The following TCHP variants were observed in gnomAD, a reference collection of about 807,000 sequenced individuals.
TCHP encodes the protein trichoplein keratin filament-binding protein.
Under a neutral mutation model 88.7 loss-of-function variants are expected in TCHP, and 81 were observed. The ratio of observed to expected loss-of-function variants is 0.91; its 90% CI spans 0.76 to 1.10. The LOEUF (loss-of-function observed/expected upper bound fraction) is 1.10. TCHP is among the 50% of genes least tolerant of loss of function. The pLI is 0.00. For synonymous variants in TCHP, 232 were observed against 232.5 expected (o/e 1.00, Z 0.02); for missense variants, 641 against 632.1 (o/e 1.01, Z -0.15).
intron 12 of TCHP, 44 bp downstream of exon 12, chr12:109,915,590 C>T (rs1464983968): frequency 1.3e-5 from 20 of 1,566,100 alleles, no homozygotes; most frequent in Non-Finnish European, 1.7e-5. Context: ...GCAAGACAGA[C>T]TCTGCCCGGC....
Position 109,906,564 on chromosome 12 carries a change from A to G in TCHP, c.457-8A>G. 6.2e-7 allele frequency: 1 copy of G among 1,612,910 alleles called. No homozygotes were observed. Among genetic ancestry groups the G allele is most frequent in the African/African-American group, 1.3e-5 (1 of 74,956 alleles). On this transcript the variant is annotated splice_region_variant and splice_polypyrimidine_tract_variant and intron_variant, in intron 4 of 12. Transcript: ENST00000405876. ...AGGAAATTCACATCGTCCCCCTTCC[A>G]TCCTCAGATGGAGCTGGACCTTCAC...
the TCHP span, among the ~76,000 whole-genome samples, chr12:109,887,423 CA>C: frequency 1.4e-4 from 20 of 138,856 alleles, no homozygotes; most frequent in Middle Eastern, 3.6e-3. Context: ...AAAAAAAAAA[CA>C]AAAAAAAAAA....
intron 9 of TCHP, 117 bp downstream of exon 9, chr12:109,911,352 C>A: frequency 1.7e-6 from 1 of 577,724 alleles, no homozygotes; most frequent in Non-Finnish European, 3.0e-6. Context: ...AGGCTCACAC[C>A]TGTAATCCTA....
In TCHP at chr12:109,906,577, G is replaced by A; in HGVS notation, c.462G>A (p.Glu154=). Residue 154 remains glutamate (E), a synonymous_variant, in exon 5 of 13, where the codon GAG becomes GAA. Coordinates refer to ENST00000405876, the MANE Select transcript of TCHP (RefSeq NM_001143852.2). ...KKNNPKLREM[E]LDLHQKHVVN... Reference sequence around the variant, plus strand: ...CGTCCCCCTTCCATCCTCAGATGGAGCTGGACCTTCACCAGAAGCATGTCG... The same window carrying A: ...CGTCCCCCTTCCATCCTCAGATGGAACTGGACCTTCACCAGAAGCATGTCG... 1.2e-6 allele frequency: 2 copies of A among 1,613,034 alleles called. No individual in the cohort carries two copies. Among genetic ancestry groups the A allele is most frequent in the Non-Finnish European group, 1.7e-6 (2 of 1,179,882 alleles).
intron 9 of TCHP, among the ~76,000 whole-genome samples, chr12:109,911,824 T>C (rs1870515466): frequency 6.6e-6 from 1 of 150,792 alleles, no homozygotes; most frequent in South Asian, 2.1e-4. Context: ...TGAGATAGAG[T>C]CTTGCTCTGT....
At chr12:109,909,223 A>C (rs902440475) in intron 8 of TCHP, among the ~76,000 whole-genome samples, 12 of 152,196 alleles carry the variant, frequency 7.9e-5, no homozygotes, top group Non-Finnish European at 2.9e-5. Flanking sequence ...TGGATATGTT[A>C]ATTAGCTTGA....
chr12:109,911,762 A>G (rs1029379349), intron 9 of TCHP, among the ~76,000 whole-genome samples: 1 of 151,768 alleles, frequency 6.6e-6, no homozygotes, highest in African/African-American at 2.4e-5. Flanking sequence ...TAGAGTAACG[A>G]TGTGTTCATC....
At chr12:109,897,550 T>TTTTC (rs543360156), upstream of TCHP, among the ~76,000 whole-genome samples, 5 of 150,930 alleles carry the variant, frequency 3.3e-5, no homozygotes, top group African/African-American at 4.9e-5. Flanking sequence ...TTTTCTTTTC[T>TTTTC]TTTCTTTCTT....
Position 109,905,197 on chromosome 12 carries a change from G to C in TCHP, c.456+404G>C, listed in dbSNP as rs61586812. 7.9e-3 allele frequency among the ~76,000 whole-genome samples: 1,208 copies of C among 152,308 alleles called. 25 individuals are homozygous for C. The highest frequency in any genetic ancestry group is 0.028 in the African/African-American group (1,164 of 41,566). ...AGTTCCTGGGGTGGAAGAGTTTGAA[G>C]GGATGTATGTGTGTAGAGGTGAGGA... On this transcript the variant is annotated intron_variant, in intron 4 of 12. Transcript: ENST00000405876. This position sits in a 1 kb window ranked among gnomAD's most constrained non-coding sequence, Gnocchi z 4.0.
rs773936923 is a variant in TCHP, at chr12:109,913,014, A to G, written c.1076A>G (p.Glu359Gly). Residue 359 changes from glutamate (E) to glycine (G), a missense_variant, in exon 10 of 13, where the codon GAA (glutamate) becomes GGA (glycine). Glu to Gly is a moderately conservative substitution (Grantham distance 98). Coordinates refer to ENST00000405876, the MANE Select transcript of TCHP (RefSeq NM_001143852.2). Reference protein sequence around the residue: ...LLREEAKEMWEKREAEWARER... With the variant: ...LLREEAKEMWGKREAEWARER... ...AGGGAGGAGGCCAAGGAGATGTGGG[A>G]AAAGAGAGAGGCAGAGTGGGCCCGA... The G allele has an allele frequency of 5.0e-6, 8 of 1,613,716 alleles. No individual in the cohort carries two copies. Among genetic ancestry groups the G allele is most frequent in the South Asian group, 4.4e-5 (4 of 91,068 alleles).
chr12:109,911,682 C>T (rs1044587741), intron 9 of TCHP, among the ~76,000 whole-genome samples: 1 of 151,188 alleles, frequency 6.6e-6, no homozygotes, highest in Non-Finnish European at 1.5e-5. Flanking sequence ...CTGAGGAGCA[C>T]ATCTTCATAA....
In TCHP at chr12:109,916,545, A is replaced by C. The variant is rs1018859887; in HGVS notation, c.1465-46A>C. On this transcript the variant is annotated intron_variant, in intron 12 of 12. Coordinates refer to ENST00000405876, the MANE Select transcript of TCHP (RefSeq NM_001143852.2). ...AAACAAGGTTAATTCCTCATGCTGC[A>C]GATACTGCTGATCTGATCACTCTTA... 4.5e-6 allele frequency: 7 copies of C among 1,569,878 alleles called. No homozygotes were observed. The African/African-American group carries it at 6.9e-5, about 15-fold the overall frequency.
At chr12:109,891,473 A>G in the TCHP span, among the ~76,000 whole-genome samples, 1 of 150,790 alleles carries the variant, frequency 6.6e-6, no homozygotes, top group Non-Finnish European at 1.5e-5. Context: ...CACTCACAGC[A>G]ACCTCCACCT....
At chr12:109,901,082 A>C (rs1006757362) in intron 1 of TCHP, 1 of 152,202 alleles carries the variant, frequency 6.6e-6, no homozygotes, top group South Asian at 2.1e-4. Flanking sequence ...TGGTAGCCCA[A>C]CATACTTCCG....
Position 109,917,010 on chromosome 12 carries a change from A to C in TCHP, c.*387A>C. The C allele has an allele frequency of 5.5e-6, 1 of 182,420 alleles. No individual in the cohort carries two copies. Among genetic ancestry groups the C allele is most frequent in the Non-Finnish European group, 1.1e-5 (1 of 88,578 alleles). The allele number at this position is 182,420 out of a possible 1,614,324, so 11.3% of individuals were successfully genotyped here. A position where few individuals can be genotyped will look rare whatever the true frequency, so the allele number is the denominator to read the frequency against. ...AACCTCCAGTGTTGACTCTAGAAAT[A>C]TGAGGAAAGCTTTTCAGTTTTTAAA... On this transcript the variant is annotated 3_prime_UTR_variant, in exon 13 of 13. Transcript: ENST00000405876.
the TCHP span, among the ~76,000 whole-genome samples, chr12:109,885,690 C>G: frequency 6.6e-6 from 1 of 151,946 alleles, no homozygotes; most frequent in South Asian, 2.1e-4. Context: ...ACCGTGTTAG[C>G]CAGGATGGTC....
At chr12:109,904,831 A>T in intron 4 of TCHP, 38 bp downstream of exon 4, 1 of 1,567,670 alleles carries the variant, frequency 6.4e-7, no homozygotes, top group Non-Finnish European at 8.7e-7. Context: ...ATCTAAGTAG[A>T]TGAAATCATG....
At chr12:109,915,622 C>G in intron 12 of TCHP, 76 bp downstream of exon 12, 1 of 1,477,372 alleles carries the variant, frequency 6.8e-7, no homozygotes, top group Non-Finnish European at 9.0e-7. Context: ...TGGGCCTGCT[C>G]ATCGCCCCGC....
intron 9 of TCHP, among the ~76,000 whole-genome samples, chr12:109,912,434 A>G (rs1036808569): frequency 1.3e-5 from 2 of 152,206 alleles, no homozygotes; most frequent in African/African-American, 2.4e-5. Flanking sequence ...TTAAACAGCC[A>G]CGGTGTAAGT....
Sources: gnomAD v4.1 joint callset for allele counts (sites outside exome capture counted in the v4.1 genomes callset) on GRCh38, gnomAD v4.1.1 for gene constraint, Gnocchi (gnomAD v3.1) non-coding constraint, MANE v1.5 for transcripts, NCBI Gene and HGNC (gene_info 2026-07-23, HGNC 2026-07-21) for gene names.